PIP4K2A: variants seen among roughly 807,000 people sequenced by gnomAD.
The protein encoded by PIP4K2A is phosphatidylinositol-5-phosphate 4-kinase type 2 alpha.
A neutral mutation model predicts 42.9 loss-of-function variants in PIP4K2A; 14 were observed. That is an observed-to-expected ratio of 0.33 (90% confidence interval 0.22 to 0.51). PIP4K2A has a LOEUF of 0.51. PIP4K2A is among the 20% of genes least tolerant of loss of function. The probability of loss-of-function intolerance (pLI) is 0.97; values close to 1 mark genes in which losing one functional copy is unlikely to be tolerated. For synonymous variants in PIP4K2A, 192 were observed against 192.2 expected, an observed-to-expected ratio of 1.00 and a Z score of 0.01; for missense variants, 434 against 519.8, an observed-to-expected ratio of 0.83 and a Z score of 1.61.
chr10:22,643,428 C>T (rs1838819368), intron 1 of PIP4K2A, among the ~76,000 whole-genome samples: 1 of 152,090 alleles, frequency 6.6e-6, no homozygotes, highest in African/African-American at 2.4e-5. Flanking sequence ...AAAAAGTTTG[C>T]TCACCCTTAG....
chr10:22,567,915 C>A (rs1836887791), intron 5 of PIP4K2A, 26 bp from the exon 6 acceptor site: 1 of 1,608,874 alleles, frequency 6.2e-7, no homozygotes, highest in Non-Finnish European at 8.5e-7. Context: ...ATAATAAAAA[C>A]ATGCGCATGG....
intron 1 of PIP4K2A, among the ~76,000 whole-genome samples, chr10:22,677,155 C>T (rs1440303985): frequency 6.6e-6 from 1 of 152,116 alleles, no homozygotes; most frequent in African/African-American, 2.4e-5. Context: ...ATGTTTGCAT[C>T]ACCTGGCAAA....
intron 1 of PIP4K2A, among the ~76,000 whole-genome samples, chr10:22,613,950 T>C (rs1838112602): frequency 6.6e-6 from 1 of 152,230 alleles, no homozygotes; most frequent in South Asian, 2.1e-4. Context: ...CTGTAGTCGA[T>C]GGTGCAAGAC....
intron 1 of PIP4K2A, among the ~76,000 whole-genome samples, chr10:22,696,286 GGCTAT>G (rs1191333390): frequency 6.6e-6 from 1 of 152,186 alleles, no homozygotes; most frequent in African/African-American, 2.4e-5. Context: ...AGGAAACACA[GGCTAT>G]AAGGGTCTCT....
At chr10:22,615,722 A>G (rs948943532) in intron 1 of PIP4K2A, among the ~76,000 whole-genome samples, 3 of 152,240 alleles carry the variant, frequency 2.0e-5, no homozygotes, top group African/African-American at 7.2e-5. Context: ...CAAATATTCA[A>G]TAAAATTCTC....
intron 1 of PIP4K2A, among the ~76,000 whole-genome samples, chr10:22,680,793 A>G (rs1839644353): frequency 6.6e-6 from 1 of 152,204 alleles, no homozygotes; most frequent in Non-Finnish European, 1.5e-5. Flanking sequence ...AGAGTGAAGG[A>G]CATGCCATCC....
chr10:22,682,768 G>A (rs1839687598), intron 1 of PIP4K2A, among the ~76,000 whole-genome samples: 1 of 152,170 alleles, frequency 6.6e-6, no homozygotes, highest in South Asian at 2.1e-4. Context: ...CTCTACTCAG[G>A]GAGGGAGAAC....
chr10:22,680,580 C>CG (rs758184221), intron 1 of PIP4K2A, among the ~76,000 whole-genome samples: 58 of 148,766 alleles, frequency 3.9e-4, no homozygotes, highest in Non-Finnish European at 7.6e-4. Context: ...AGCATACATC[C>CG]CTAGTCCTTT....
At chr10:22,675,271 C>T (rs1483664677) in intron 1 of PIP4K2A, among the ~76,000 whole-genome samples, 1 of 152,112 alleles carries the variant, frequency 6.6e-6, no homozygotes, top group Non-Finnish European at 1.5e-5. Context: ...TTACCTGATA[C>T]TTTTGCTTTA....
chr10:22,623,689 T>C lies in PIP4K2A; in HGVS notation c.145-13972A>G, dbSNP rs116406367. 1.1e-3 allele frequency among the ~76,000 whole-genome samples: 165 copies of C among 152,324 alleles called. 1 individual carries two copies. Among genetic ancestry groups the C allele is most frequent in the African/African-American group, 3.8e-3 (158 of 41,572 alleles). ...GTTACATGTGCCCAGTTAAGTGGAT[T>C]TGCAGATCATACCATCTGGCTTTAA... is the stretch of plus-strand genomic sequence containing the variant. On this transcript the variant is annotated intron_variant, in intron 1 of 9. Transcript: ENST00000376573.
At chr10:22,694,841 C>T (rs1027433013) in intron 1 of PIP4K2A, among the ~76,000 whole-genome samples, 1 of 152,064 alleles carries the variant, frequency 6.6e-6, no homozygotes, top group Admixed American at 6.5e-5. Flanking sequence ...ATTTTCAACC[C>T]TCTTTATCCT....
Position 22,541,857 on chromosome 10 carries a change from G to C in PIP4K2A, c.983C>G (p.Ala328Gly), listed in dbSNP as rs1337663504. The C allele has an allele frequency of 3.7e-6, 6 of 1,602,158 alleles. No individual in the cohort carries two copies. The highest frequency in any genetic ancestry group is 4.3e-6 in the Non-Finnish European group (5 of 1,174,816). Reference sequence around the variant, plus strand: ...GATGTTCGGATCGAACTCCCCGGGAGCCAGGGGTGGTGAGCTGTTCAGTGT... The same window carrying C: ...GATGTTCGGATCGAACTCCCCGGGACCCAGGGGTGGTGAGCTGTTCAGTGT... ...GNTLNSSPPL[A>G]PGEFDPNIDV... is the part of the protein sequence containing the mutation. The change falls in exon 8 of 10, where the codon GCT becomes GGT. Residue 328 changes from alanine to glycine, a missense_variant. Ala to Gly is a moderately conservative substitution (Grantham distance 60, BLOSUM62 0). Around this residue, in one of 2 missense-constraint regions of PIP4K2A, gnomAD observed 395 missense variants for 444.5 expected, o/e 0.89. Transcript: ENST00000376573.
intron 1 of PIP4K2A, among the ~76,000 whole-genome samples, chr10:22,699,747 T>C (rs1833677722): frequency 6.6e-6 from 1 of 152,178 alleles, no homozygotes; most frequent in South Asian, 2.1e-4. Context: ...AAATACATTG[T>C]AAATACAAAC....
At chr10:22,580,200 G>A (rs910961500) in intron 4 of PIP4K2A, among the ~76,000 whole-genome samples, 1 of 151,930 alleles carries the variant, frequency 6.6e-6, no homozygotes, top group Admixed American at 6.5e-5. Context: ...CAGTGTCTCT[G>A]TATTTATAAA....
At chr10:22,597,720 A>G (rs74967065) in intron 3 of PIP4K2A, among the ~76,000 whole-genome samples, 1 of 53,162 alleles carries the variant, frequency 1.9e-5, no homozygotes, top group Non-Finnish European at 3.6e-5. Context: ...CTCTGCATGG[A>G]AAAAAAAAAA....
At chr10:22,657,489 T>G (rs987206308) in intron 1 of PIP4K2A, among the ~76,000 whole-genome samples, 4 of 152,386 alleles carry the variant, frequency 2.6e-5, no homozygotes, top group Non-Finnish European at 4.4e-5. Context: ...AGAGCAATTT[T>G]GGATTTTTCT....
Position 22,627,591 on chromosome 10 carries a change from T to TAAAAAAAAAAAAA in PIP4K2A, c.145-17887_145-17875dup, listed in dbSNP as rs57671642. Among the ~76,000 whole-genome samples the TAAAAAAAAAAAAA allele has an allele frequency of 7.5e-4, 43 of 57,028 alleles. 3 individuals are homozygous for TAAAAAAAAAAAAA. The highest frequency in any genetic ancestry group is 1.2e-3 in the Non-Finnish European group (37 of 31,828). 37.4% of individuals were successfully genotyped at this position (57,028 alleles called of 152,430 possible). A position where few individuals can be genotyped will look rare whatever the true frequency, so the allele number is the denominator to read the frequency against. Reference sequence around the variant, plus strand: ...TGTTTAACCAAAAGCTAATATGTAATAAAAAAAAAAAAAAAAAAAAAAAAA... The same window carrying TAAAAAAAAAAAAA: ...TGTTTAACCAAAAGCTAATATGTAATAAAAAAAAAAAAAAAAAAAAAAAAAAAAAAAAAAAAAA... On this transcript the variant is annotated intron_variant, in intron 1 of 9. Coordinates refer to ENST00000376573, the MANE Select transcript of PIP4K2A (RefSeq NM_005028.5).
chr10:22,685,984 T>C (rs556609319), intron 1 of PIP4K2A, among the ~76,000 whole-genome samples: 2 of 152,172 alleles, frequency 1.3e-5, no homozygotes, highest in Non-Finnish European at 2.9e-5. Context: ...TGCCACGCCA[T>C]CCTCTCCCTC....
chr10:22,659,744 T>C (rs1839167542), intron 1 of PIP4K2A: 1 of 152,068 alleles, frequency 6.6e-6, no homozygotes, highest in South Asian at 2.1e-4. Context: ...GAAGTGGAAG[T>C]TGCAGAGAGC....
Sources: gnomAD v4.1 joint callset for allele counts (sites outside exome capture counted in the v4.1 genomes callset) on GRCh38, gnomAD v4.1.1 for gene constraint, gnomAD v4.1.1 regional missense constraint, MANE v1.5 for transcripts, NCBI Gene and HGNC (gene_info 2026-07-23, HGNC 2026-07-21) for gene names.